FGGY: variants seen among roughly 807,000 people sequenced by gnomAD.
The protein encoded by FGGY is FGGY carbohydrate kinase domain containing.
FGGY carries 72 observed loss-of-function variants against 71.3 expected under a neutral mutation model. The ratio of observed to expected loss-of-function variants is 1.01; its 90% CI spans 0.84 to 1.23. The LOEUF (loss-of-function observed/expected upper bound fraction) is 1.23. Ranked by LOEUF, FGGY falls within the 50% of genes most tolerant of loss-of-function variation. The pLI, the probability that FGGY is intolerant of heterozygous loss-of-function variation, is 0.00. For synonymous variants in FGGY, 251 were observed against 250.3 expected (o/e 1.00, Z -0.02); for missense variants, 668 against 682.3 (o/e 0.98, Z 0.23).
intron 5 of FGGY, among the ~76,000 whole-genome samples, chr1:59,428,906 C>A (rs2066854723): frequency 6.6e-6 from 1 of 152,134 alleles, no homozygotes; most frequent in Admixed American, 6.5e-5. Flanking sequence ...TATGTCTGTT[C>A]TGTTGTCCAG....
At chr1:59,453,374 A>G (rs1438639075) in intron 5 of FGGY, among the ~76,000 whole-genome samples, 1 of 152,226 alleles carries the variant, frequency 6.6e-6, no homozygotes, top group African/African-American at 2.4e-5. Flanking sequence ...ATCTGCTTGG[A>G]AAAACTTAGT....
At chr1:59,397,405 T>C (rs1433466884) in intron 5 of FGGY, among the ~76,000 whole-genome samples, 1 of 152,228 alleles carries the variant, frequency 6.6e-6, no homozygotes, top group Non-Finnish European at 1.5e-5. Context: ...TGAAACTTCC[T>C]GAATAACAGC....
intron 7 of FGGY, among the ~76,000 whole-genome samples, chr1:59,536,487 G>C (rs1365205161): frequency 6.6e-6 from 1 of 152,150 alleles, no homozygotes; most frequent in Non-Finnish European, 1.5e-5. Flanking sequence ...TATGAGGCCA[G>C]CATCATCCTG....
intron 5 of FGGY, among the ~76,000 whole-genome samples, chr1:59,454,882 C>G (rs2091532237): frequency 6.6e-6 from 1 of 152,160 alleles, no homozygotes; most frequent in Non-Finnish European, 1.5e-5. Context: ...GAATATTAAA[C>G]ATTTATTAAG....
chr1:59,362,528 T>C (rs1411573508), intron 4 of FGGY, among the ~76,000 whole-genome samples: 1 of 152,224 alleles, frequency 6.6e-6, no homozygotes, highest in Admixed American at 6.5e-5. Flanking sequence ...GAGCTTCTCA[T>C]AGTTCCTTCT....
intron 14 of FGGY, among the ~76,000 whole-genome samples, chr1:59,717,272 A>G (rs2097852347): frequency 6.6e-6 from 1 of 152,140 alleles, no homozygotes; most frequent in African/African-American, 2.4e-5. Context: ...TATATACCCT[A>G]TAAACCCATT....
intron 5 of FGGY, among the ~76,000 whole-genome samples, chr1:59,407,232 G>A (rs2062898558): frequency 6.6e-6 from 1 of 152,166 alleles, no homozygotes; most frequent in African/African-American, 2.4e-5. Flanking sequence ...GCTGATGGGT[G>A]GAAGAAGCTT....
chr1:59,636,796 T>C (rs762385553), intron 10 of FGGY, among the ~76,000 whole-genome samples: 1 of 152,178 alleles, frequency 6.6e-6, no homozygotes, highest in Non-Finnish European at 1.5e-5. Context: ...AATCACAAAC[T>C]AGAACTAGAA....
At chr1:59,672,486 C>T (rs2097389735) in intron 13 of FGGY, among the ~76,000 whole-genome samples, 1 of 152,198 alleles carries the variant, frequency 6.6e-6, no homozygotes, top group South Asian at 2.1e-4. Context: ...GTGTAAGTGA[C>T]TTACTGGACA....
chr1:59,540,293 G>A (rs1485835428), intron 7 of FGGY, among the ~76,000 whole-genome samples: 1 of 152,196 alleles, frequency 6.6e-6, no homozygotes, highest in East Asian at 1.9e-4. Flanking sequence ...AGTAATACAT[G>A]TAAAACCATT....
intron 7 of FGGY, among the ~76,000 whole-genome samples, chr1:59,520,308 G>A (rs1480460238): frequency 1.3e-5 from 2 of 152,206 alleles, no homozygotes; most frequent in African/African-American, 2.4e-5. Context: ...TAATAGAAGT[G>A]AAGCCTGAGG....
chr1:59,610,129 A>G (rs935683745), intron 9 of FGGY, among the ~76,000 whole-genome samples: 4 of 152,204 alleles, frequency 2.6e-5, no homozygotes, highest in African/African-American at 9.7e-5. Flanking sequence ...GGTTTGTTAC[A>G]TAGGAATATG....
chr1:59,378,656 T>C (rs371916928), intron 4 of FGGY, 93 bp from the exon 5 acceptor site: 29 of 1,080,400 alleles, frequency 2.7e-5, no homozygotes, highest in East Asian at 2.3e-4. Flanking sequence ...CATTGTTGGC[T>C]ATGCTTTTGT....
chr1:59,749,466 G>GGAGA (rs1339042857), intron 14 of FGGY, among the ~76,000 whole-genome samples: 6 of 152,142 alleles, frequency 3.9e-5, no homozygotes, highest in African/African-American at 1.2e-4. Flanking sequence ...TCATGCAATT[G>GGAGA]GTGGCAGGAG....
intron 7 of FGGY, among the ~76,000 whole-genome samples, chr1:59,536,205 C>A (rs148426290): frequency 0.4 from 59,678 of 150,812 alleles, 14,396 homozygotes; most frequent in African/African-American, 0.67. Context: ...AAACACCTCT[C>A]TGCAAATAAA....
intron 6 of FGGY, among the ~76,000 whole-genome samples, chr1:59,464,560 C>CA (rs1358830832): frequency 6.6e-6 from 1 of 151,906 alleles, no homozygotes; most frequent in Non-Finnish European, 1.5e-5. Context: ...AAAAACCCTT[C>CA]AAAAAATCAA....
chr1:59,579,135 G>T (rs140493648), intron 8 of FGGY, among the ~76,000 whole-genome samples: 1 of 152,096 alleles, frequency 6.6e-6, no homozygotes, highest in African/African-American at 2.4e-5. Context: ...TCCTCATTCA[G>T]ATCGTTCTGT....
rs547292517 is a variant in FGGY, at chr1:59,713,205, C to G, written c.1512+39072C>G. ...AGTTCTTCATCTCCGTCTGATACCACCTCAGCCTAGACTTTATTGTTCATA... is the reference window on the plus strand; with the variant it reads ...AGTTCTTCATCTCCGTCTGATACCAGCTCAGCCTAGACTTTATTGTTCATA... On this transcript the variant is annotated intron_variant, in intron 14 of 15. Transcript: ENST00000303721. Among the ~76,000 whole-genome samples the G allele has an allele frequency of 2.0e-5, 3 of 152,316 alleles. No individual in the cohort carries two copies. The East Asian group carries it at 5.8e-4, about 29-fold the overall frequency.
intron 9 of FGGY, among the ~76,000 whole-genome samples, chr1:59,621,798 T>C (rs2096810705): frequency 6.6e-6 from 1 of 152,022 alleles, no homozygotes; most frequent in Non-Finnish European, 1.5e-5. Context: ...GTGGTCTTCT[T>C]TGGATTCATC....
Sources: gnomAD v4.1 joint callset for allele counts (sites outside exome capture counted in the v4.1 genomes callset) on GRCh38, gnomAD v4.1.1 for gene constraint, MANE v1.5 for transcripts, NCBI Gene and HGNC (gene_info 2026-07-23, HGNC 2026-07-21) for gene names.